Variants in CNOT6 observed in about 807,000 individuals in gnomAD.
CNOT6 encodes CCR4-NOT transcription complex subunit 6, also known as carbon catabolite repression 4 protein.
A neutral mutation model predicts 61.2 loss-of-function variants in CNOT6; 12 were observed. The ratio of observed to expected loss-of-function variants is 0.20; its 90% CI spans 0.13 to 0.32. The LOEUF is 0.32. Ranked by LOEUF, CNOT6 falls within the 10% of genes least tolerant of loss-of-function variation. The pLI is 1.00. For missense variants in CNOT6, 405 were observed against 663.9 expected (o/e 0.61, Z 4.28); for synonymous variants, 225 against 240.6 (o/e 0.94, Z 0.60).
At chr5:180,534,363 A>T in intron 2 of CNOT6, 1 of 179,328 alleles carries the variant, frequency 5.6e-6, no homozygotes. Flanking sequence ...AATGGAGGTG[A>T]TTAGGTAGAG....
chr5:180,566,111 C>G, intron 7 of CNOT6, 134 bp downstream of exon 7: 1 of 785,680 alleles, frequency 1.3e-6, no homozygotes, highest in South Asian at 2.2e-5. Flanking sequence ...TTAGTGAATC[C>G]TGGGAGTACT....
intron 3 of CNOT6, among the ~76,000 whole-genome samples, chr5:180,552,391 GCA>G (rs141716395): frequency 0.072 from 10,963 of 151,536 alleles, 566 homozygotes; most frequent in East Asian, 0.24. Flanking sequence ...TATAATCCCA[GCA>G]CACTTTGGGA....
chr5:180,501,067 G>A (rs1188461738), intron 1 of CNOT6, among the ~76,000 whole-genome samples: 1 of 152,064 alleles, frequency 6.6e-6, no homozygotes, highest in Non-Finnish European at 1.5e-5. Context: ...ATAGTTGTAG[G>A]GTTTTTCTTA....
chr5:180,548,446 TTCTCTCTGTTC>T (rs1759424845), intron 2 of CNOT6, among the ~76,000 whole-genome samples: 1 of 152,200 alleles, frequency 6.6e-6, no homozygotes, highest in Non-Finnish European at 1.5e-5. Flanking sequence ...ATCTCCAGAC[TTCTCTCTGTTC>T]TCTTCTCTTC....
At chr5:180,569,087 T>G in intron 9 of CNOT6, 23 bp from the exon 10 acceptor site, 1 of 1,577,622 alleles carries the variant, frequency 6.3e-7, no homozygotes, top group Non-Finnish European at 8.7e-7. Flanking sequence ...TCTCTTTCTT[T>G]GTTTCGTTTT....
intron 2 of CNOT6, among the ~76,000 whole-genome samples, chr5:180,546,644 T>G (rs996789560): frequency 3.9e-5 from 6 of 152,362 alleles, no homozygotes; most frequent in Middle Eastern, 3.4e-3. Context: ...TAAATAGTTG[T>G]AGAGAAAATA....
In CNOT6 at chr5:180,564,444, T is replaced by G. The variant is rs1188367918; in HGVS notation, c.386-45T>G. 3.0e-6 allele frequency: 4 copies of G among 1,323,022 alleles called. No individual in the cohort carries two copies. The African/African-American group carries it at 5.9e-5, about 19-fold the overall frequency. 82.0% of individuals were successfully genotyped at this position (1,323,022 alleles called of 1,614,324 possible). On this transcript the variant is annotated intron_variant, in intron 4 of 11. Transcript: ENST00000261951. Reference sequence around the variant, plus strand: ...TGATACATTTTAAAATTTTGAAACATTTTATTACTTAGTTTCATTTTACTT... The same window carrying G: ...TGATACATTTTAAAATTTTGAAACAGTTTATTACTTAGTTTCATTTTACTT...
chr5:180,503,645 AT>A (rs1756993043), intron 1 of CNOT6, among the ~76,000 whole-genome samples: 1 of 116,794 alleles, frequency 8.6e-6, no homozygotes, highest in Non-Finnish European at 1.6e-5. Flanking sequence ...TCAATCTGTC[AT>A]CCAGGCTGGA....
At chr5:180,560,536 T>G (rs748910024) in intron 4 of CNOT6, among the ~76,000 whole-genome samples, 1 of 152,204 alleles carries the variant, frequency 6.6e-6, no homozygotes, top group Non-Finnish European at 1.5e-5. Flanking sequence ...TGAAAAATAT[T>G]TTGCTGCTTC....
rs1219109255 is a variant in CNOT6, at chr5:180,571,363, T to C, written c.1392T>C (p.His464=). 6.2e-7 allele frequency: 1 copy of C among 1,614,056 alleles called. No individual in the cohort carries two copies. The highest frequency in any genetic ancestry group is 1.3e-5 in the African/African-American group (1 of 74,950). Residue 464 remains histidine (H), a synonymous_variant, in exon 11 of 12, where the codon CAT becomes CAC. Coordinates refer to ENST00000261951, the MANE Select transcript of CNOT6 (RefSeq NM_001370472.1). ...KNGTTNGRIT[H]GFKLQSAYES... ...GAACCACCAATGGAAGGATCACTCA[T>C]GGTTTCAAGTTACAGAGTGCCTATG... is the stretch of plus-strand genomic sequence containing the variant.
At chr5:180,549,606 G>A (rs1280855259) in intron 2 of CNOT6, among the ~76,000 whole-genome samples, 11 of 151,776 alleles carry the variant, frequency 7.2e-5, no homozygotes, top group East Asian at 1.9e-4. Flanking sequence ...CCCAGATCAC[G>A]CCACTGCACT....
chr5:180,553,553 G>A, intron 4 of CNOT6, 82 bp downstream of exon 4: 1 of 1,032,816 alleles, frequency 9.7e-7, no homozygotes, highest in Admixed American at 2.2e-5. Flanking sequence ...TCTGCTAGGG[G>A]ATTCTTTTAA....
chr5:180,533,688 T>C (rs1418789047), intron 2 of CNOT6, among the ~76,000 whole-genome samples: 3 of 152,206 alleles, frequency 2.0e-5, no homozygotes, highest in Non-Finnish European at 4.4e-5. Context: ...GTGCTGGTAT[T>C]ACAGACATAA....
intron 11 of CNOT6, among the ~76,000 whole-genome samples, chr5:180,573,124 G>C (rs1037259770): frequency 4.6e-5 from 7 of 152,198 alleles, no homozygotes; most frequent in African/African-American, 1.7e-4. Flanking sequence ...GGAATGCTTA[G>C]CGTTTTCTTT....
intron 2 of CNOT6, among the ~76,000 whole-genome samples, chr5:180,535,106 G>A (rs1465518206): frequency 1.3e-5 from 2 of 152,256 alleles, no homozygotes; most frequent in African/African-American, 4.8e-5. Flanking sequence ...AGTCCCTGGC[G>A]ACGCAGAAGA....
intron 1 of CNOT6, among the ~76,000 whole-genome samples, chr5:180,523,262 C>G (rs2127715123): frequency 6.6e-6 from 1 of 152,232 alleles, no homozygotes. Flanking sequence ...CTTTTCTTTT[C>G]CCCTTAGATG....
intron 1 of CNOT6, among the ~76,000 whole-genome samples, chr5:180,506,373 A>T (rs1757132317): frequency 6.6e-6 from 1 of 152,180 alleles, no homozygotes; most frequent in African/African-American, 2.4e-5. Context: ...CAGGAACGTT[A>T]TTCTCCGGAC....
chr5:180,543,900 TC>T (rs1409985590), intron 2 of CNOT6, among the ~76,000 whole-genome samples: 1 of 152,142 alleles, frequency 6.6e-6, no homozygotes, highest in Non-Finnish European at 1.5e-5. Context: ...AAGCTCCACC[TC>T]CCAGGTTCAC....
rs1318713968 is a variant in CNOT6 at position 180,550,111 on chromosome 5, C to T, written c.293C>T (p.Ser98Leu). 3 of 1,613,458 alleles carry T rather than the reference C, an allele frequency of 1.9e-6. No individual in the cohort carries two copies. The change falls in exon 3 of 12, where the codon TCA becomes TTA. Residue 98 changes from serine to leucine, a missense_variant. Coordinates refer to ENST00000261951, the MANE Select transcript of CNOT6 (RefSeq NM_001370472.1). ...SLPAELGNMV[S>L]LRELHLNNNL... Reference sequence around the variant, plus strand: ...CCCGCAGAACTCGGAAACATGGTATCACTCAGGTATGCAGATTCAACTTAA... The same window carrying T: ...CCCGCAGAACTCGGAAACATGGTATTACTCAGGTATGCAGATTCAACTTAA...
Sources: gnomAD v4.1 joint callset for allele counts (sites outside exome capture counted in the v4.1 genomes callset) on GRCh38, gnomAD v4.1.1 for gene constraint, MANE v1.5 for transcripts, NCBI Gene and HGNC (gene_info 2026-07-23, HGNC 2026-07-21) for gene names.